RBPJ: variants seen among roughly 807,000 people sequenced by gnomAD.
RBPJ encodes recombination signal binding protein for immunoglobulin kappa J region.
A neutral mutation model predicts 67.8 loss-of-function variants in RBPJ; 9 were observed. That is an observed-to-expected ratio of 0.13 (90% CI 0.08 to 0.23). The LOEUF (loss-of-function observed/expected upper bound fraction) is 0.23, where lower values mean the gene tolerates loss of function less well. Ranked by LOEUF, RBPJ falls within the 10% of genes least tolerant of loss-of-function variation. The pLI, the probability that RBPJ is intolerant of heterozygous loss-of-function variation, is 1.00. For missense variants in RBPJ, 305 were observed against 595.6 expected (o/e 0.51, Z 5.08); for synonymous variants, 198 against 203.3 (o/e 0.97, Z 0.22).
chr4:26,178,636 C>T (rs1342532837), intron 1 of RBPJ, among the ~76,000 whole-genome samples: 1 of 149,528 alleles, frequency 6.7e-6, no homozygotes, highest in Admixed American at 6.7e-5. Context: ...AAAAGAAGTC[C>T]CAGACCCCCT....
chr4:26,137,846 C>T, the RBPJ span, among the ~76,000 whole-genome samples: 2 of 152,158 alleles, frequency 1.3e-5, no homozygotes, highest in African/African-American at 4.8e-5. Context: ...CTCAGGAATG[C>T]ATATTGACTG....
rs1736403850 is a variant in RBPJ at position 26,433,429 on chromosome 4, A to G, written c.*2422A>G. The G allele has an allele frequency of 6.6e-6, 1 of 152,198 alleles. No individual in the cohort carries two copies. Among genetic ancestry groups the G allele is most frequent in the African/African-American group, 2.4e-5 (1 of 41,456 alleles). The allele number at this position is 152,198 out of a possible 1,614,324, so 9.4% of individuals were successfully genotyped here. A position where few individuals can be genotyped will look rare whatever the true frequency, so the allele number is the denominator to read the frequency against. On this transcript the variant is annotated 3_prime_UTR_variant, in exon 11 of 11. Transcript: ENST00000355476. ...ATATTAAATTAACCAATAACAAAAG[A>G]GATACTTTTGAAGAACAAACTATTC...
At chr4:26,214,355 AAGG>A (rs765389387) in intron 1 of RBPJ, among the ~76,000 whole-genome samples, 105 of 130,188 alleles carry the variant, frequency 8.1e-4, no homozygotes, top group Admixed American at 2.2e-3. Context: ...AAGGAAGAGA[AAGG>A]AGGAAGGAAG....
At chr4:26,302,319 G>C (rs1722102435) in intron 1 of RBPJ, among the ~76,000 whole-genome samples, 2 of 152,168 alleles carry the variant, frequency 1.3e-5, no homozygotes, top group African/African-American at 4.8e-5. Context: ...CCTTAAATTG[G>C]CTGAACTTTA....
intron 1 of RBPJ, among the ~76,000 whole-genome samples, chr4:26,342,192 C>T (rs56056923): frequency 3.3e-5 from 5 of 150,532 alleles, no homozygotes; most frequent in African/African-American, 1.2e-4. Flanking sequence ...AGAACCACTG[C>T]TCTGTATCAA....
At chr4:26,191,095 T>C (rs1717474095) in intron 1 of RBPJ, among the ~76,000 whole-genome samples, 1 of 132,350 alleles carries the variant, frequency 7.6e-6, no homozygotes. Flanking sequence ...AAGGCTGCAG[T>C]GAGCTATGAC....
chr4:26,397,410 G>A (rs1326498916), intron 2 of RBPJ, among the ~76,000 whole-genome samples: 1 of 152,038 alleles, frequency 6.6e-6, no homozygotes, highest in Non-Finnish European at 1.5e-5. Context: ...CAAGTTTTGA[G>A]GAAGAATTTT....
At chr4:26,137,595 C>T in the RBPJ span, among the ~76,000 whole-genome samples, 5 of 152,174 alleles carry the variant, frequency 3.3e-5, no homozygotes, top group East Asian at 1.9e-4. Context: ...CGAGCCTCTT[C>T]GCTTCATTTG....
chr4:26,156,577 G>A, the RBPJ span, among the ~76,000 whole-genome samples: 103 of 151,292 alleles, frequency 6.8e-4, 1 homozygote, highest in Non-Finnish European at 3.7e-4. Context: ...CACCACTCAT[G>A]TCCAGCTAAT....
chr4:26,216,846 G>C (rs1358110222), intron 1 of RBPJ, among the ~76,000 whole-genome samples: 1 of 152,124 alleles, frequency 6.6e-6, no homozygotes, highest in African/African-American at 2.4e-5. Flanking sequence ...AATTGCCTGA[G>C]CCCAGGAAGT....
chr4:26,157,788 T>C, the RBPJ span, among the ~76,000 whole-genome samples: 1 of 152,350 alleles, frequency 6.6e-6, no homozygotes, highest in East Asian at 1.9e-4. Flanking sequence ...TGCCCTCTCT[T>C]GCTTCCCTGA....
At position 26,404,205 on chromosome 4, in the gene RBPJ, C is replaced by T. The variant is rs550812585; in HGVS notation, c.60-1970C>T. 3.9e-5 allele frequency among the ~76,000 whole-genome samples: 6 copies of T among 152,000 alleles called. 1 individual carries two copies. The South Asian group carries it at 1.3e-3, about 32-fold the overall frequency. On this transcript the variant is annotated intron_variant, in intron 2 of 10. Transcript: ENST00000355476. ...GAACACTTTTGAAAAGTGTTCATAT[C>T]CTTTGCCTACTTTTTAATGGGGTTG... is the stretch of plus-strand genomic sequence containing the variant.
chr4:26,245,536 T>C (rs369543795), intron 1 of RBPJ, among the ~76,000 whole-genome samples: 367 of 152,310 alleles, frequency 2.4e-3, no homozygotes, highest in African/African-American at 8.5e-3. Context: ...GGGTTGTCTT[T>C]TCACTTTTGT....
At chr4:26,178,808 A>G (rs1716885292) in intron 1 of RBPJ, among the ~76,000 whole-genome samples, 1 of 151,538 alleles carries the variant, frequency 6.6e-6, no homozygotes, top group South Asian at 2.1e-4. Context: ...TTGCTTGCTG[A>G]TTTAGTTAAT....
intron 1 of RBPJ, among the ~76,000 whole-genome samples, chr4:26,257,844 G>T (rs148495593): frequency 3.3e-5 from 5 of 152,178 alleles, no homozygotes; most frequent in Non-Finnish European, 7.3e-5. Context: ...AGAGAAAATG[G>T]TCCTGGGGCC....
intron 1 of RBPJ, among the ~76,000 whole-genome samples, chr4:26,193,408 T>G (rs1717640086): frequency 6.6e-6 from 1 of 152,166 alleles, no homozygotes; most frequent in Non-Finnish European, 1.5e-5. Context: ...CAGAGACGCG[T>G]TCTCATTTTT....
intron 1 of RBPJ, among the ~76,000 whole-genome samples, chr4:26,365,713 C>A (rs1349839735): frequency 6.6e-6 from 1 of 152,222 alleles, no homozygotes; most frequent in African/African-American, 2.4e-5. Flanking sequence ...GAGGAAGTGA[C>A]CAGCATAAGT....
intron 1 of RBPJ, among the ~76,000 whole-genome samples, chr4:26,200,040 C>T (rs749356645): frequency 2.8e-4 from 42 of 152,302 alleles, no homozygotes; most frequent in Non-Finnish European, 5.3e-4. Context: ...ACGTTGAGTT[C>T]TGCCAGTTCT....
intron 5 of RBPJ, 196 bp downstream of exon 5, chr4:26,420,921 G>C: frequency 1.9e-6 from 1 of 516,102 alleles, no homozygotes; most frequent in South Asian, 2.8e-5. Flanking sequence ...AACCAGAGTT[G>C]GTTCCTTAAT....
Sources: gnomAD v4.1 joint callset for allele counts (sites outside exome capture counted in the v4.1 genomes callset) on GRCh38, gnomAD v4.1.1 for gene constraint, MANE v1.5 for transcripts, NCBI Gene and HGNC (gene_info 2026-07-23, HGNC 2026-07-21) for gene names.